KIAA1671: variants seen among roughly 807,000 people sequenced by gnomAD.
The protein encoded by KIAA1671 is uncharacterized protein KIAA1671.
Under a neutral mutation model 131.2 loss-of-function variants are expected in KIAA1671, and 52 were observed. That is an observed-to-expected ratio of 0.40 (90% CI 0.32 to 0.50). The LOEUF (loss-of-function observed/expected upper bound fraction) is 0.50. Ranked by LOEUF, KIAA1671 falls within the 20% of genes least tolerant of loss-of-function variation. KIAA1671 has a pLI of 0.73. For missense variants in KIAA1671, 2,360 were observed against 2,364.2 expected (o/e 1.00, Z 0.04); for synonymous variants, 1,003 against 961.6 (o/e 1.04, Z -0.80).
Position 25,043,130 on chromosome 22 carries a change from G to A in KIAA1671, c.4395+1605G>A, listed in dbSNP as rs552056584. Among the ~76,000 whole-genome samples the A allele has an allele frequency of 3.3e-4, 49 of 150,754 alleles. 1 individual carries two copies. The South Asian group carries it at 0.01, about 32-fold the overall frequency. ...GGGTGGGGGGTGGGGAGGAAAGGAG[G>A]AAGGGATCACTTTAATTACAAGCAC... On this transcript the variant is annotated intron_variant, in intron 5 of 12. Transcript: ENST00000358431.
intron 4 of KIAA1671, among the ~76,000 whole-genome samples, chr22:25,037,405 TA>T (rs1196960144): frequency 1.7e-4 from 26 of 151,876 alleles, no homozygotes; most frequent in African/African-American, 5.6e-4. Context: ...TATATGTATA[TA>T]TGTGTGTATA....
chr22:25,029,488 G>C lies in KIAA1671; in HGVS notation c.1489G>C (p.Val497Leu). ...TAESSEAKPEVRRRTFQARPL... is the reference protein window; with the variant it reads ...TAESSEAKPELRRRTFQARPL... ...CGAGAGCTCAGAGGCTAAGCCCGAG[G>C]TCAGGAGGAGGACGTTCCAGGCTCG... is the stretch of plus-strand genomic sequence containing the variant. The change falls in exon 3 of 13, where the codon GTC becomes CTC. Residue 497 changes from valine (V) to leucine (L), a missense_variant. By Grantham distance (32) the Val-to-Leu change is conservative (BLOSUM62 1). Coordinates refer to ENST00000358431, the MANE Select transcript of KIAA1671 (RefSeq NM_001145206.2). 6.4e-7 allele frequency: 1 copy of C among 1,550,896 alleles called. No homozygotes were observed. Among genetic ancestry groups the C allele is most frequent in the Non-Finnish European group, 8.7e-7 (1 of 1,146,650 alleles).
chr22:25,184,574 A>C (rs1460689251), intron 10 of KIAA1671, among the ~76,000 whole-genome samples: 1 of 152,156 alleles, frequency 6.6e-6, no homozygotes, highest in African/African-American at 2.4e-5. Flanking sequence ...TGGGACTCTA[A>C]TAGACTGTCG....
rs879172033 is a variant in KIAA1671, at chr22:25,028,901, T to G, written c.902T>G (p.Val301Gly). 8.7e-5 allele frequency: 135 copies of G among 1,551,372 alleles called. 1 individual carries two copies. In the South Asian group the frequency reaches 1.5e-3, roughly 17 times the overall value. Residue 301 changes from valine to glycine, a missense_variant, in exon 3 of 13, where the codon GTG becomes GGG. This residue lies in a region of KIAA1671 where 1,185 missense variants were observed against 1,126.2 expected (regional missense o/e 1.05). Transcript: ENST00000358431. ...AACAAAGAGGCCTTGCTGAGGAAGG[T>G]GGCCGATGAAGGAAGTGGACCCACA... Reference protein sequence around the residue: ...FENKEALLRKVADEGSGPTAG... With the variant: ...FENKEALLRKGADEGSGPTAG...
chr22:25,151,275 A>AT (rs1204027444), intron 6 of KIAA1671, among the ~76,000 whole-genome samples: 1 of 150,622 alleles, frequency 6.6e-6, no homozygotes, highest in Non-Finnish European at 1.5e-5. Context: ...TCCTTTAAGA[A>AT]TTTTTTGCAT....
At position 25,028,145 on chromosome 22, in the gene KIAA1671, A is replaced by G; in HGVS notation, c.146A>G (p.Glu49Gly). 1 of 1,551,090 alleles carries G rather than the reference A, an allele frequency of 6.4e-7. No individual in the cohort carries two copies. Reference sequence around the variant, plus strand: ...GGGGCTCCCCCAGCCCGGATCTTGGAAGCGAAGAGCCCCCTGCGGAGCCCG... The same window carrying G: ...GGGGCTCCCCCAGCCCGGATCTTGGGAGCGAAGAGCCCCCTGCGGAGCCCG... ...ASGAPPARIL[E>G]AKSPLRSPAR... Residue 49 changes from glutamate (E) to glycine (G), a missense_variant, in exon 3 of 13, where the codon GAA becomes GGA. This residue lies in a region of KIAA1671 where 1,185 missense variants were observed against 1,126.2 expected (regional missense o/e 1.05). Transcript: ENST00000358431.
intron 6 of KIAA1671, among the ~76,000 whole-genome samples, chr22:25,074,514 A>AAAAAAAAAAAAAAAAG (rs59411918): frequency 2.5e-4 from 29 of 117,420 alleles, no homozygotes; most frequent in African/African-American, 6.6e-4. Flanking sequence ...AAAAAAAAAA[A>AAAAAAAAAAAAAAAAG]AAAGAAAGAA....
At chr22:25,141,547 A>G (rs1256714496) in intron 6 of KIAA1671, among the ~76,000 whole-genome samples, 1 of 152,062 alleles carries the variant, frequency 6.6e-6, no homozygotes, top group Non-Finnish European at 1.5e-5. Flanking sequence ...TTTTCTTTGT[A>G]AATTTTTATT....
intron 6 of KIAA1671, among the ~76,000 whole-genome samples, chr22:25,122,687 A>G (rs1232907326): frequency 2.6e-5 from 4 of 152,190 alleles, no homozygotes; most frequent in Non-Finnish European, 5.9e-5. Flanking sequence ...GTGAACAGTC[A>G]TTATTGGCCG....
intron 1 of KIAA1671, among the ~76,000 whole-genome samples, chr22:24,985,974 T>A (rs73395640): frequency 0.062 from 9,371 of 152,074 alleles, 960 homozygotes; most frequent in African/African-American, 0.21. Flanking sequence ...GACTGCTGGG[T>A]TGGGACTTGT....
chr22:24,998,069 C>T (rs1404941450), intron 1 of KIAA1671, among the ~76,000 whole-genome samples: 2 of 152,094 alleles, frequency 1.3e-5, no homozygotes, highest in African/African-American at 2.4e-5. Context: ...AATGGGGATA[C>T]GTCCTGATAA....
At chr22:24,998,560 T>C (rs1160704943) in intron 1 of KIAA1671, among the ~76,000 whole-genome samples, 1 of 150,872 alleles carries the variant, frequency 6.6e-6, no homozygotes, top group Non-Finnish European at 1.5e-5. Flanking sequence ...CTACTAAAAA[T>C]ACAAAAAAAT....
intron 6 of KIAA1671, among the ~76,000 whole-genome samples, chr22:25,128,501 G>A (rs982391778): frequency 2.6e-5 from 4 of 152,150 alleles, no homozygotes; most frequent in African/African-American, 9.7e-5. Flanking sequence ...AGCAACTTGT[G>A]TCCATGAGGG....
intron 1 of KIAA1671, among the ~76,000 whole-genome samples, chr22:25,016,025 CTT>C (rs66878029): frequency 2.7e-5 from 4 of 148,268 alleles, no homozygotes; most frequent in East Asian, 2.0e-4. Context: ...TCTTTTTTTT[CTT>C]TTTTTTTTTC....
At chr22:24,958,703 G>C (rs1921852400) in intron 1 of KIAA1671, among the ~76,000 whole-genome samples, 1 of 151,122 alleles carries the variant, frequency 6.6e-6, no homozygotes, top group Admixed American at 6.6e-5. Flanking sequence ...AGGCACAGTG[G>C]CTCACACCTG....
chr22:25,192,827 G>GA lies in KIAA1671; in HGVS notation c.*426_*427insA, dbSNP rs1252228673. On this transcript the variant is annotated 3_prime_UTR_variant, in exon 13 of 13. Transcript: ENST00000358431. ...ACCTCCTCACCCGACCCCGGGGCAG[G>GA]TCTTTTTTTGGAAGGACATTTCCAA... 5 of 152,082 alleles carry GA rather than the reference G, an allele frequency of 3.3e-5. No homozygotes were observed. The highest frequency in any genetic ancestry group is 7.3e-5 in the Non-Finnish European group (5 of 68,042). The allele number at this position is 152,082 out of a possible 1,614,324, so 9.4% of individuals were successfully genotyped here. A position where few individuals can be genotyped will look rare whatever the true frequency, so the allele number is the denominator to read the frequency against.
intron 6 of KIAA1671, chr22:25,052,720 T>C (rs1294655504): frequency 3.9e-5 from 6 of 152,002 alleles, no homozygotes; most frequent in African/African-American, 1.4e-4. Flanking sequence ...GCAGCTATTA[T>C]TATTATTATT....
At chr22:25,025,079 C>T (rs1413833928) in intron 1 of KIAA1671, among the ~76,000 whole-genome samples, 1 of 59,098 alleles carries the variant, frequency 1.7e-5, no homozygotes, top group African/African-American at 5.9e-5. Flanking sequence ...TGTCCAAATA[C>T]CGCTAATGTA....
chr22:25,093,824 T>TTCTCTCTCTCTC lies in KIAA1671; in HGVS notation c.4530+44469_4530+44470insCTCTCTCTCTCT, dbSNP rs1568951523. Among the ~76,000 whole-genome samples the TTCTCTCTCTCTC allele has an allele frequency of 7.4e-3, 162 of 21,908 alleles. 13 individuals are homozygous for TTCTCTCTCTCTC. Among genetic ancestry groups the TTCTCTCTCTCTC allele is most frequent in the Non-Finnish European group, 9.4e-3 (113 of 12,014 alleles). The allele number at this position is 21,908 out of a possible 152,430, so 14.4% of individuals were successfully genotyped here. ...TCTCTCTCTCTCTGTCTCTCTCTCT[T>TTCTCTCTCTCTC]TCTCTCTCTGTCTGTCTCTCTCTCT... is the stretch of plus-strand genomic sequence containing the variant. On this transcript the variant is annotated intron_variant, in intron 6 of 12. Transcript: ENST00000358431.
Sources: gnomAD v4.1 joint callset for allele counts (sites outside exome capture counted in the v4.1 genomes callset) on GRCh38, gnomAD v4.1.1 for gene constraint, gnomAD v4.1.1 regional missense constraint, MANE v1.5 for transcripts, NCBI Gene and HGNC (gene_info 2026-07-23, HGNC 2026-07-21) for gene names.